KLF12: variants seen among roughly 807,000 people sequenced by gnomAD.
The protein encoded by KLF12 is Krueppel-like factor 12.
KLF12 carries 9 observed loss-of-function variants against 37.8 expected under a neutral mutation model. The ratio of observed to expected loss-of-function variants is 0.24; its 90% CI spans 0.14 to 0.42. The LOEUF (loss-of-function observed/expected upper bound fraction) is 0.42, where lower values mean the gene tolerates loss of function less well. KLF12 is among the 10% of genes least tolerant of loss of function. The pLI is 1.00. For synonymous variants in KLF12, 208 were observed against 202.1 expected (o/e 1.03, Z -0.25); for missense variants, 411 against 516.0 (o/e 0.80, Z 1.97).
At chr13:74,237,714 G>A in the KLF12 span, among the ~76,000 whole-genome samples, 1 of 152,054 alleles carries the variant, frequency 6.6e-6, no homozygotes, top group Admixed American at 6.5e-5. Flanking sequence ...ATTGTGAATG[G>A]GAGTTCACTC....
chr13:74,080,495 T>C (rs1593882845), intron 1 of KLF12, among the ~76,000 whole-genome samples: 1 of 151,254 alleles, frequency 6.6e-6, no homozygotes, highest in East Asian at 1.9e-4. Flanking sequence ...AATTTAACTG[T>C]ACGTTTAAAA....
the KLF12 span, among the ~76,000 whole-genome samples, chr13:74,191,557 A>G: frequency 1.3e-5 from 2 of 152,188 alleles, no homozygotes; most frequent in Non-Finnish European, 2.9e-5. Flanking sequence ...CTTCTGCACC[A>G]GGGTTTCAGG....
chr13:74,043,518 C>A (rs1483456643), intron 1 of KLF12, among the ~76,000 whole-genome samples: 1 of 152,132 alleles, frequency 6.6e-6, no homozygotes, highest in African/African-American at 2.4e-5. Context: ...AATGGTTTGA[C>A]TGATTTTTGA....
chr13:73,701,769 G>C (rs775127603), intron 7 of KLF12, among the ~76,000 whole-genome samples: 2 of 151,968 alleles, frequency 1.3e-5, no homozygotes, highest in Non-Finnish European at 2.9e-5. Flanking sequence ...TTAACTTCTA[G>C]GTCTTCAATT....
At chr13:74,043,203 A>T (rs967325949) in intron 1 of KLF12, among the ~76,000 whole-genome samples, 3 of 152,240 alleles carry the variant, frequency 2.0e-5, no homozygotes, top group African/African-American at 7.2e-5. Context: ...TCATGGTCAG[A>T]GGAAAATAAA....
the KLF12 span, among the ~76,000 whole-genome samples, chr13:74,199,043 G>T: frequency 6.6e-6 from 1 of 152,190 alleles, no homozygotes; most frequent in East Asian, 1.9e-4. Flanking sequence ...GATGGAACCA[G>T]CATGAGAACA....
At chr13:73,934,758 A>G (rs1889846766) in intron 3 of KLF12, among the ~76,000 whole-genome samples, 1 of 151,892 alleles carries the variant, frequency 6.6e-6, no homozygotes, top group Non-Finnish European at 1.5e-5. Flanking sequence ...TATAGTTTCC[A>G]TCCCATCTGA....
chr13:73,744,524 T>C (rs1048772276), intron 6 of KLF12, among the ~76,000 whole-genome samples: 1 of 150,358 alleles, frequency 6.7e-6, no homozygotes, highest in Non-Finnish European at 1.5e-5. Context: ...GCCTGTGTGA[T>C]GGACATCCTG....
intron 7 of KLF12, among the ~76,000 whole-genome samples, chr13:73,711,137 G>A (rs911600079): frequency 6.6e-6 from 1 of 152,226 alleles, no homozygotes; most frequent in Non-Finnish European, 1.5e-5. Flanking sequence ...AGCTGCAGAA[G>A]GAAAGTTGGA....
intron 2 of KLF12, among the ~76,000 whole-genome samples, chr13:73,958,143 T>C (rs533704105): frequency 6.6e-6 from 1 of 152,346 alleles, no homozygotes; most frequent in East Asian, 1.9e-4. Flanking sequence ...ATATTGGATT[T>C]TGAAGACTTA....
chr13:73,830,906 C>T (rs984437994), intron 4 of KLF12, among the ~76,000 whole-genome samples: 2 of 151,816 alleles, frequency 1.3e-5, no homozygotes, highest in Non-Finnish European at 2.9e-5. Context: ...GTTTTTCAGG[C>T]TGCAGGATGC....
chr13:73,712,597 T>C (rs1032204340), intron 7 of KLF12, among the ~76,000 whole-genome samples: 3 of 152,214 alleles, frequency 2.0e-5, no homozygotes, highest in Non-Finnish European at 4.4e-5. Context: ...AGAAGTTCTA[T>C]GGTGGGTAAA....
chr13:73,832,339 T>C (rs951422765), intron 4 of KLF12, among the ~76,000 whole-genome samples: 1 of 152,192 alleles, frequency 6.6e-6, no homozygotes. Flanking sequence ...CTTCTTATAA[T>C]GTAAGACTTC....
At chr13:73,731,853 T>C (rs1877082050) in intron 6 of KLF12, among the ~76,000 whole-genome samples, 1 of 152,210 alleles carries the variant, frequency 6.6e-6, no homozygotes, top group Non-Finnish European at 1.5e-5. Flanking sequence ...AGTTCAGGAC[T>C]ATCAGAGGAA....
At chr13:74,191,234 A>T in the KLF12 span, among the ~76,000 whole-genome samples, 1 of 152,202 alleles carries the variant, frequency 6.6e-6, no homozygotes, top group Non-Finnish European at 1.5e-5. Flanking sequence ...GGAAAATTCA[A>T]AGAGCTTGGC....
intron 3 of KLF12, among the ~76,000 whole-genome samples, chr13:73,879,879 C>T (rs141381435): frequency 6.6e-6 from 1 of 152,328 alleles, no homozygotes; most frequent in Non-Finnish European, 1.5e-5. Flanking sequence ...CCATATGGTT[C>T]ACACAGCCTA....
the KLF12 span, among the ~76,000 whole-genome samples, chr13:74,196,666 C>CT: frequency 1.3e-5 from 2 of 152,116 alleles, no homozygotes; most frequent in African/African-American, 4.8e-5. Context: ...GGTCACAGTG[C>CT]CCCCTTTAAC....
chr13:74,239,459 G>T, the KLF12 span, among the ~76,000 whole-genome samples: 518 of 121,984 alleles, frequency 4.2e-3, 3 homozygotes, highest in Non-Finnish European at 7.0e-3. Flanking sequence ...TATTAGGTCT[G>T]CTTGGTGCAG....
upstream of KLF12, among the ~76,000 whole-genome samples, chr13:74,137,949 T>TG (rs1220613356): frequency 6.6e-6 from 1 of 152,152 alleles, no homozygotes; most frequent in African/African-American, 2.4e-5. Context: ...TTAGTAGAGA[T>TG]GGGGTTTCTC....
Sources: allele counts gnomAD v4.1 joint callset (sites outside exome capture counted in the v4.1 genomes callset), GRCh38; gene constraint gnomAD v4.1.1; transcripts MANE v1.5; gene names NCBI Gene and HGNC (gene_info 2026-07-23, HGNC 2026-07-21).